Variants in MYO5C observed in about 807,000 individuals in gnomAD.
MYO5C encodes the protein myosin VC.
MYO5C carries 194 observed loss-of-function variants against 235.7 expected under a neutral mutation model. That is an observed-to-expected ratio of 0.82 (90% CI 0.73 to 0.93). The LOEUF (loss-of-function observed/expected upper bound fraction) is 0.93, where lower values mean the gene tolerates loss of function less well. Ranked by LOEUF, MYO5C falls within the 40% of genes least tolerant of loss-of-function variation. The pLI, the probability that MYO5C is intolerant of heterozygous loss-of-function variation, is 0.00. For synonymous variants in MYO5C, 707 were observed against 754.8 expected (o/e 0.94, Z 1.04); for missense variants, 2,038 against 2,127.2 (o/e 0.96, Z 0.82).
At chr15:52,224,820 T>C (rs2035782130) in intron 28 of MYO5C, 81 bp downstream of exon 28, 1 of 1,113,556 alleles carries the variant, frequency 9.0e-7, no homozygotes, top group South Asian at 1.4e-5. Context: ...TATCAATCTA[T>C]GTAAGGTAAA....
chr15:52,225,244 T>C (rs963772256), intron 26 of MYO5C, 106 bp from the exon 27 acceptor site: 4 of 1,275,522 alleles, frequency 3.1e-6, no homozygotes, highest in Admixed American at 3.9e-5. Context: ...TCCAGCTAAA[T>C]AACTCACCAG....
chr15:52,213,080 G>A, intron 34 of MYO5C, 108 bp downstream of exon 34: 1 of 755,678 alleles, frequency 1.3e-6, no homozygotes, highest in South Asian at 1.6e-5. Flanking sequence ...GGAAGAAGCA[G>A]TGGAAGAAAA....
At position 52,272,658 on chromosome 15, in the gene MYO5C, G is replaced by T. The variant is rs998952273; in HGVS notation, c.672C>A (p.Ile224=). The T allele has an allele frequency of 5.0e-6, 8 of 1,614,130 alleles. No homozygotes were observed. Among genetic ancestry groups the T allele is most frequent in the Non-Finnish European group, 6.8e-6 (8 of 1,179,994 alleles). The part of the protein sequence containing the change: ...NSSRFGKYTE[I]SFDEQNQIIG... Reference sequence around the variant, plus strand: ...TAATTTGATTTTGTTCATCAAAACTGATTTCTGTGTATTTCCCAAACCGAC... The same window carrying T: ...TAATTTGATTTTGTTCATCAAAACTTATTTCTGTGTATTTCCCAAACCGAC... Residue 224 remains isoleucine, a synonymous_variant, in exon 6 of 41, where the codon ATC becomes ATA. Transcript: ENST00000261839.
intron 5 of MYO5C, among the ~76,000 whole-genome samples, chr15:52,274,681 G>A (rs994888391): frequency 7.3e-5 from 8 of 109,162 alleles, no homozygotes; most frequent in Non-Finnish European, 1.3e-4. Flanking sequence ...CCCCCCCCCC[G>A]ACATATGTTT....
rs771056878 is a variant in MYO5C, at chr15:52,235,654, G to GC, written c.2962+15dup. The GC allele has an allele frequency of 7.0e-6, 11 of 1,581,138 alleles. No individual in the cohort carries two copies. The highest frequency in any genetic ancestry group is 8.6e-6 in the Non-Finnish European group (10 of 1,157,626). ...TAAATCAGTGAATGTCTGGATTTGT[G>GC]CCCCCCAAGCTTTACCTTTTAACTC... On this transcript the variant is annotated intron_variant, in intron 23 of 40. Coordinates refer to ENST00000261839, the MANE Select transcript of MYO5C (RefSeq NM_018728.4).
chr15:52,198,839 C>T (rs1167116937), intron 38 of MYO5C, among the ~76,000 whole-genome samples: 1 of 151,916 alleles, frequency 6.6e-6, no homozygotes, highest in Non-Finnish European at 1.5e-5. Flanking sequence ...CTCAGCCTCC[C>T]AAAGTGCTGG....
chr15:52,204,975 C>T lies in MYO5C; in HGVS notation c.4710G>A (p.Glu1570=). 6.2e-7 allele frequency: 1 copy of T among 1,614,240 alleles called. No homozygotes were observed. Among genetic ancestry groups the T allele is most frequent in the Non-Finnish European group, 8.5e-7 (1 of 1,180,042 alleles). ...TTMCQNGLDP[E]LVRQAVKQLF... is the part of the protein sequence containing the mutation. ...GCTGCTTCACCGCCTGCCTCACAAG[C>T]TCGGGGTCCAGGCCGTTCTGGCACA... The change falls in exon 38 of 41, where the codon GAG becomes GAA. Residue 1570 remains glutamate (E), a synonymous_variant. Coordinates refer to ENST00000261839, the MANE Select transcript of MYO5C (RefSeq NM_018728.4).
intron 38 of MYO5C, among the ~76,000 whole-genome samples, chr15:52,202,432 T>G (rs112871058): frequency 2.6e-5 from 4 of 152,124 alleles, no homozygotes; most frequent in African/African-American, 9.7e-5. Flanking sequence ...GAAAAAGTAC[T>G]GGGTACCTGG....
intron 27 of MYO5C, 31 bp from the exon 28 acceptor site, chr15:52,225,012 C>A (rs1428587451): frequency 6.2e-7 from 1 of 1,613,136 alleles, no homozygotes; most frequent in Non-Finnish European, 8.5e-7. Flanking sequence ...GAAAATCTAT[C>A]ATCTCTGTCA....
intron 38 of MYO5C, among the ~76,000 whole-genome samples, chr15:52,203,124 A>G (rs1435632119): frequency 1.3e-5 from 2 of 151,960 alleles, no homozygotes; most frequent in African/African-American, 4.8e-5. Context: ...AGGTTTCACC[A>G]TGTTGCTCAG....
At chr15:52,241,962 A>C in intron 20 of MYO5C, 86 bp downstream of exon 20, 2 of 1,396,968 alleles carry the variant, frequency 1.4e-6, no homozygotes, top group Non-Finnish European at 9.7e-7. Context: ...GGTTGCCCAT[A>C]GTGAAGTCTT....
intron 21 of MYO5C, among the ~76,000 whole-genome samples, chr15:52,238,791 G>A (rs1467439895): frequency 4.1e-5 from 6 of 144,728 alleles, no homozygotes; most frequent in South Asian, 4.5e-4. Context: ...ACAGGCGCCC[G>A]CCACCACGCC....
intron 11 of MYO5C, among the ~76,000 whole-genome samples, chr15:52,255,651 G>A (rs1463200242): frequency 6.6e-6 from 1 of 152,066 alleles, no homozygotes; most frequent in Non-Finnish European, 1.5e-5. Flanking sequence ...AGTACTGTTG[G>A]GAATTCAAAA....
In MYO5C at chr15:52,291,731, G is replaced by GTTTTTTTTTTTGTTTTT. The variant is rs2037392525; in HGVS notation, c.27+3878_27+3879insAAAAACAAAAAAAAAAA. Among the ~76,000 whole-genome samples the GTTTTTTTTTTTGTTTTT allele has an allele frequency of 1.7e-4, 9 of 52,548 alleles. 1 individual carries two copies. Among genetic ancestry groups the GTTTTTTTTTTTGTTTTT allele is most frequent in the African/African-American group, 6.6e-4 (8 of 12,044 alleles). The allele number at this position is 52,548 out of a possible 152,430, so 34.5% of individuals were successfully genotyped here. On this transcript the variant is annotated intron_variant, in intron 1 of 40. Coordinates refer to ENST00000261839, the MANE Select transcript of MYO5C (RefSeq NM_018728.4). ...TTTTTTCTTTGTTTGCATATTTTAT[G>GTTTTTTTTTTTGTTTTT]TTTTTTTTTTTTTTTTTTTTTTTTT...
chr15:52,259,419 C>CAAA (rs11388485), intron 10 of MYO5C, among the ~76,000 whole-genome samples: 5 of 127,356 alleles, frequency 3.9e-5, no homozygotes, highest in Admixed American at 8.2e-5. Context: ...GACTCCGTCT[C>CAAA]AAAAAAAAAA....
chr15:52,285,140 G>T (rs2037233517), intron 1 of MYO5C, among the ~76,000 whole-genome samples: 1 of 152,144 alleles, frequency 6.6e-6, no homozygotes, highest in Admixed American at 6.5e-5. Context: ...GACCCAGGTG[G>T]GTGGATCACC....
At chr15:52,256,587 A>ACACACACGCGCGCGCGCGCGCGCG in intron 11 of MYO5C, 52 bp downstream of exon 11, 3 of 387,552 alleles carry the variant, frequency 7.7e-6, no homozygotes, top group African/African-American at 4.3e-5. Flanking sequence ...ACACACACAC[A>ACACACACGCGCGCGCGCGCGCGCG]CGCGCGCGCG....
intron 29 of MYO5C, 108 bp from the exon 30 acceptor site, chr15:52,221,363 A>G (rs2035681601): frequency 3.9e-6 from 3 of 765,516 alleles, no homozygotes; most frequent in Non-Finnish European, 4.1e-6. Flanking sequence ...CAGAACAGAT[A>G]GCTGTGTAAA....
chr15:52,248,889 A>G, intron 13 of MYO5C, 106 bp from the exon 14 acceptor site: 1 of 775,498 alleles, frequency 1.3e-6, no homozygotes, highest in Non-Finnish European at 2.1e-6. Flanking sequence ...AAGGCTACAG[A>G]GGCAATCTTA....
Sources: gnomAD v4.1 joint callset for allele counts (sites outside exome capture counted in the v4.1 genomes callset) on GRCh38, gnomAD v4.1.1 for gene constraint, MANE v1.5 for transcripts, NCBI Gene and HGNC (gene_info 2026-07-23, HGNC 2026-07-21) for gene names.